The following DENND4C variants were observed in gnomAD, a reference collection of about 807,000 sequenced individuals.
DENND4C encodes the protein DENN domain-containing protein 4C.
In DENND4C, 108 loss-of-function variants were observed where a neutral mutation model predicts 203.0. That is an observed-to-expected ratio of 0.53 (90% CI 0.46 to 0.62). The LOEUF (loss-of-function observed/expected upper bound fraction) is 0.62, where lower values mean the gene tolerates loss of function less well. Ranked by LOEUF, DENND4C falls within the 20% of genes least tolerant of loss-of-function variation. The pLI is 0.00. For missense variants in DENND4C, 2,481 were observed against 2,301.2 expected, an observed-to-expected ratio of 1.08 and a Z score of -1.60; for synonymous variants, 871 against 792.4, an observed-to-expected ratio of 1.10 and a Z score of -1.67.
chr9:19,292,119 G>A (rs1836459016), intron 5 of DENND4C, among the ~76,000 whole-genome samples: 1 of 151,956 alleles, frequency 6.6e-6, no homozygotes, highest in Non-Finnish European at 1.5e-5. Context: ...CCACCTACCA[G>A]GTTCAAGTGA....
intron 13 of DENND4C, 98 bp from the exon 14 acceptor site, chr9:19,325,841 A>C: frequency 8.7e-7 from 1 of 1,144,634 alleles, no homozygotes; most frequent in Non-Finnish European, 1.3e-6. Flanking sequence ...CTGGTACTGA[A>C]AAGGGGTAGT....
At chr9:19,236,523 CTA>C (rs1196009838) in intron 1 of DENND4C, among the ~76,000 whole-genome samples, 1 of 152,096 alleles carries the variant, frequency 6.6e-6, no homozygotes, top group South Asian at 2.1e-4. Context: ...GAAATTAAGA[CTA>C]TATTGTAGAG....
At chr9:19,326,994 A>G (rs1440486668) in intron 15 of DENND4C, among the ~76,000 whole-genome samples, 1 of 147,862 alleles carries the variant, frequency 6.8e-6, no homozygotes, top group African/African-American at 2.6e-5. Context: ...TTCTAAAAGA[A>G]TTTCTAAAAT....
chr9:19,268,587 C>G (rs887386026), intron 1 of DENND4C, among the ~76,000 whole-genome samples: 2 of 152,140 alleles, frequency 1.3e-5, no homozygotes, highest in Non-Finnish European at 2.9e-5. Flanking sequence ...GATTGAAGAA[C>G]TCCCTTTAGT....
chr9:19,303,240 T>C (rs1216732992), intron 9 of DENND4C, among the ~76,000 whole-genome samples: 2 of 152,062 alleles, frequency 1.3e-5, no homozygotes, highest in Non-Finnish European at 2.9e-5. Context: ...GCACTTTGGA[T>C]TTTGGATTTT....
intron 1 of DENND4C, among the ~76,000 whole-genome samples, chr9:19,260,972 T>A (rs1191110232): frequency 6.6e-6 from 1 of 152,144 alleles, no homozygotes; most frequent in Non-Finnish European, 1.5e-5. Context: ...TCCCCAATAT[T>A]TTCTTGTAGT....
chr9:19,336,947 G>A, intron 20 of DENND4C, 115 bp downstream of exon 20: 1 of 989,354 alleles, frequency 1.0e-6, no homozygotes, highest in Non-Finnish European at 1.5e-6. Flanking sequence ...TAAAAGTACT[G>A]TATGCTTACA....
At chr9:19,344,270 G>T (rs1348619149) in intron 22 of DENND4C, among the ~76,000 whole-genome samples, 2 of 152,176 alleles carry the variant, frequency 1.3e-5, no homozygotes, top group African/African-American at 4.8e-5. Context: ...AAACACAAAT[G>T]AGAATCCTAA....
At position 19,326,178 on chromosome 9, in the gene DENND4C, C is replaced by T. The variant is rs761727431; in HGVS notation, c.2104C>T (p.Leu702=). The change falls in exon 15 of 33, where the codon CTG becomes TTG. Residue 702 remains leucine, a synonymous_variant. Transcript: ENST00000434457. ...GCCACCTCCTGATGATGGAAAGGAC[C>T]TGTCACCAAAGTACAGGTAGTAGGA... ...PEPPPDDGKD[L]SPKYSYKYFP... The T allele has an allele frequency of 1.2e-6, 2 of 1,612,102 alleles. No homozygotes were observed. Among genetic ancestry groups the T allele is most frequent in the Non-Finnish European group, 8.5e-7 (1 of 1,179,396 alleles).
intron 1 of DENND4C, among the ~76,000 whole-genome samples, chr9:19,270,475 C>G (rs1444288924): frequency 6.6e-6 from 1 of 152,116 alleles, no homozygotes; most frequent in Non-Finnish European, 1.5e-5. Context: ...AGCTCATACC[C>G]AAGTTGCAAG....
chr9:19,365,469 C>G (rs1588994529), intron 30 of DENND4C, among the ~76,000 whole-genome samples: 1 of 152,076 alleles, frequency 6.6e-6, no homozygotes, highest in Non-Finnish European at 1.5e-5. Flanking sequence ...TCACTAAGTA[C>G]AAGTGTAAGA....
intron 1 of DENND4C, among the ~76,000 whole-genome samples, chr9:19,246,978 C>G (rs1012496549): frequency 6.6e-6 from 1 of 152,004 alleles, no homozygotes; most frequent in Non-Finnish European, 1.5e-5. Flanking sequence ...CCATTTTTTC[C>G]CCAACTCTTT....
chr9:19,253,329 A>T (rs555655303), intron 1 of DENND4C, among the ~76,000 whole-genome samples: 1 of 152,162 alleles, frequency 6.6e-6, no homozygotes, highest in Non-Finnish European at 1.5e-5. Flanking sequence ...ATCATGCCCA[A>T]CGCCTTTTAG....
At chr9:19,361,994 C>A (rs373675601) in intron 30 of DENND4C, 31 bp downstream of exon 30, 1 of 1,400,658 alleles carries the variant, frequency 7.1e-7, no homozygotes, top group South Asian at 1.2e-5. Flanking sequence ...GACATAACAG[C>A]CAGGTGCAGT....
intron 12 of DENND4C, among the ~76,000 whole-genome samples, chr9:19,323,859 A>C (rs778289585): frequency 6.6e-6 from 1 of 152,172 alleles, no homozygotes; most frequent in Non-Finnish European, 1.5e-5. Context: ...AATTAGGCAG[A>C]AGGAGCTATA....
chr9:19,347,822 A>G (rs1209326254), intron 23 of DENND4C, among the ~76,000 whole-genome samples: 2 of 152,212 alleles, frequency 1.3e-5, no homozygotes, highest in African/African-American at 2.4e-5. Flanking sequence ...ATTTTTACCT[A>G]TGTAATCTCC....
rs1466186848 is a variant in DENND4C, at chr9:19,352,149, C to T, written c.4572C>T (p.Ser1524=). 3.7e-6 allele frequency: 6 copies of T among 1,613,770 alleles called. No homozygotes were observed. The highest frequency in any genetic ancestry group is 3.3e-5 in the Admixed American group (2 of 60,000). ...KSDHGSSQNT[S]MSSIYQNCAM... The stretch of plus-strand genomic sequence containing the variant: ...ATCATGGTTCTTCTCAAAATACCAG[C>T]ATGTCTAGCATCTATCAGAATTGTG... Residue 1524 remains serine, a synonymous_variant, in exon 25 of 33, where the codon AGC becomes AGT. Transcript: ENST00000434457.
chr9:19,322,916 A>G (rs888565149), intron 12 of DENND4C, among the ~76,000 whole-genome samples: 4 of 152,070 alleles, frequency 2.6e-5, no homozygotes, highest in Admixed American at 6.6e-5. Flanking sequence ...TTGAGAGGCA[A>G]TGTTGTTTTG....
At chr9:19,257,024 C>G (rs184476999) in intron 1 of DENND4C, among the ~76,000 whole-genome samples, 1 of 150,248 alleles carries the variant, frequency 6.7e-6, no homozygotes, top group Non-Finnish European at 1.5e-5. Context: ...GAGCCGAGAT[C>G]ACGCCACTGT....
Sources: gnomAD v4.1 joint callset for allele counts (sites outside exome capture counted in the v4.1 genomes callset) on GRCh38, gnomAD v4.1.1 for gene constraint, MANE v1.5 for transcripts, NCBI Gene and HGNC (gene_info 2026-07-23, HGNC 2026-07-21) for gene names.